CTR9: variants seen among roughly 807,000 people sequenced by gnomAD.
The protein encoded by CTR9 is CTR9 component of Paf1/RNA polymerase II complex.
In CTR9, 41 loss-of-function variants were observed where a neutral mutation model predicts 152.1. The observed-to-expected ratio is 0.27, with a 90% CI of 0.21 to 0.35. The LOEUF (loss-of-function observed/expected upper bound fraction) is 0.35. Among genes scored for constraint, CTR9 ranks in the 10% least tolerant of loss-of-function variants. The pLI is 1.00. For synonymous variants in CTR9, 476 were observed against 496.2 expected (o/e 0.96, Z 0.54); for missense variants, 917 against 1,424.4 (o/e 0.64, Z 5.73).
At position 10,767,880 on chromosome 11, in the gene CTR9, G is replaced by A. The variant is rs1217056355; in HGVS notation, c.1761G>A (p.Lys587=). 6.2e-7 allele frequency: 1 copy of A among 1,613,966 alleles called. No individual in the cohort carries two copies. Among genetic ancestry groups the A allele is most frequent in the Admixed American group, 1.7e-5 (1 of 59,986 alleles). Residue 587 remains lysine (K), a synonymous_variant, in exon 14 of 25, where the codon AAG becomes AAA. Coordinates refer to ENST00000361367, the MANE Select transcript of CTR9 (RefSeq NM_014633.5). This position sits in a 1 kb window ranked among gnomAD's most constrained non-coding sequence, Gnocchi z 4.0. ...AAGAATGGGGTCCTGGGCAGAAGAA[G>A]TTTGAGAGGATATTAAAACAGCCAT... is the stretch of plus-strand genomic sequence containing the variant. ...AKQEWGPGQK[K]FERILKQPST...
intron 10 of CTR9, 23 bp downstream of exon 10, chr11:10,764,224 T>C (rs1375992391): frequency 6.2e-7 from 1 of 1,613,438 alleles, no homozygotes; most frequent in African/African-American, 1.3e-5. Flanking sequence ...TGTTTTTTAA[T>C]CTCTCATATG....
At chr11:10,756,635 G>C (rs1862888536) in intron 4 of CTR9, 114 bp from the exon 5 acceptor site, 2 of 664,230 alleles carry the variant, frequency 3.0e-6, no homozygotes, top group African/African-American at 3.7e-5. Flanking sequence ...TTTGTTCTGT[G>C]TTTTCAAGTA....
intron 2 of CTR9, among the ~76,000 whole-genome samples, chr11:10,753,690 A>T (rs1862840094): frequency 6.8e-6 from 1 of 148,072 alleles, no homozygotes; most frequent in African/African-American, 2.5e-5. Context: ...TATAATATAT[A>T]TTATATATAT....
chr11:10,758,816 AT>A (rs890514384), intron 5 of CTR9, among the ~76,000 whole-genome samples: 25 of 152,344 alleles, frequency 1.6e-4, no homozygotes, highest in African/African-American at 6.0e-4. Context: ...TTTGTAACCA[AT>A]CAAATTGCTG....
In CTR9 at chr11:10,768,346, C is replaced by G. The variant is rs1333764235; in HGVS notation, c.1964C>G (p.Ala655Gly). 6.2e-7 allele frequency: 1 copy of G among 1,609,654 alleles called. No individual in the cohort carries two copies. Among genetic ancestry groups the G allele is most frequent in the African/African-American group, 1.3e-5 (1 of 74,620 alleles). Reference protein sequence around the residue: ...KNLYAANGIGAVLAHKGYFRE... With the variant: ...KNLYAANGIGGVLAHKGYFRE... ...GTGAACCTTTTTATATCTTTAGGAG[C>G]TGTTTTGGCCCACAAAGGATATTTT... Residue 655 changes from alanine to glycine, a missense_variant, in exon 16 of 25, where the codon GCT (alanine) becomes GGT (glycine). Physicochemically the swap from Ala to Gly is moderately conservative, Grantham distance 60. This residue lies in a region of CTR9 where 87 missense variants were observed against 235.7 expected (regional missense o/e 0.37). Transcript: ENST00000361367.
Position 10,766,420 on chromosome 11 carries a change from C to T in CTR9, c.1616C>T (p.Ala539Val). ...NYVDCYLRLG[A>V]MARDKGNFYE... ...TTTTCAGGCTATTTGCGCCTAGGAG[C>T]CATGGCTAGAGATAAGGGAAACTTT... Residue 539 changes from alanine (A) to valine (V), a missense_variant, in exon 13 of 25, where the codon GCC becomes GTC. Transcript: ENST00000361367. 1 of 1,609,888 alleles carries T rather than the reference C, an allele frequency of 6.2e-7. No individual in the cohort carries two copies. Among genetic ancestry groups the T allele is most frequent in the African/African-American group, 1.3e-5 (1 of 74,746 alleles).
At chr11:10,761,569 C>G (rs1458414644) in intron 6 of CTR9, among the ~76,000 whole-genome samples, 1 of 151,812 alleles carries the variant, frequency 6.6e-6, no homozygotes. Context: ...GTGTTCATGC[C>G]AGTGTACTCC....
chr11:10,754,778 T>C (rs965154824), intron 2 of CTR9, among the ~76,000 whole-genome samples, 180 bp from the exon 3 acceptor site: 1 of 152,252 alleles, frequency 6.6e-6, no homozygotes, highest in African/African-American at 2.4e-5. Context: ...TCCTTTTCAT[T>C]GTAGGATAGT....
At chr11:10,776,902 G>A (rs1430685107) in intron 24 of CTR9, among the ~76,000 whole-genome samples, 1 of 145,896 alleles carries the variant, frequency 6.9e-6, no homozygotes, top group East Asian at 2.0e-4. Context: ...GAAACGAGGA[G>A]GCAGAGGTTG....
chr11:10,755,381 T>C (rs1039651115), intron 3 of CTR9, among the ~76,000 whole-genome samples, 184 bp downstream of exon 3: 1 of 152,236 alleles, frequency 6.6e-6, no homozygotes, highest in African/African-American at 2.4e-5. Flanking sequence ...TTAAGTAATA[T>C]GGACAAATGT....
intron 7 of CTR9, among the ~76,000 whole-genome samples, chr11:10,763,025 C>T (rs915948666): frequency 1.3e-5 from 2 of 150,174 alleles, no homozygotes; most frequent in African/African-American, 2.5e-5. Flanking sequence ...AAAAAAAGTG[C>T]GCTTTATGTA....
At chr11:10,766,109 C>T (rs191248713) in intron 12 of CTR9, among the ~76,000 whole-genome samples, 31 of 152,196 alleles carry the variant, frequency 2.0e-4, no homozygotes, top group African/African-American at 6.3e-4. Context: ...AGAAACAGGC[C>T]GGTTCCAAGC....
intron 5 of CTR9, 112 bp downstream of exon 5, chr11:10,756,950 T>C (rs182214798): frequency 1.9e-5 from 16 of 834,794 alleles, no homozygotes; most frequent in African/African-American, 1.9e-4. Flanking sequence ...ATTATAGAAA[T>C]GTCAGAATCA....
Position 10,767,837 on chromosome 11 carries a change from A to G in CTR9, c.1718A>G (p.Asn573Ser), listed in dbSNP as rs567272474. The G allele has an allele frequency of 9.3e-6, 15 of 1,614,070 alleles. No individual in the cohort carries two copies. The highest frequency in any genetic ancestry group is 1.7e-4 in the Middle Eastern group (1 of 6,060). Residue 573 changes from asparagine (N) to serine (S), a missense_variant, in exon 14 of 25, where the codon AAT (asparagine) becomes AGT (serine). Transcript: ENST00000361367. This position sits in a 1 kb window ranked among gnomAD's most constrained non-coding sequence, Gnocchi z 4.0. ...DHPDAWSLIGNLHLAKQEWGP... is the reference protein window; with the variant it reads ...DHPDAWSLIGSLHLAKQEWGP... Reference sequence around the variant, plus strand: ...CCAGATGCTTGGTCTTTGATTGGCAATCTTCATTTGGCAAAACAAGAATGG... The same window carrying G: ...CCAGATGCTTGGTCTTTGATTGGCAGTCTTCATTTGGCAAAACAAGAATGG...
chr11:10,772,663 G>A lies in CTR9; in HGVS notation c.2580+8G>A, dbSNP rs1458425752. On this transcript the variant is annotated splice_region_variant and intron_variant, in intron 20 of 24. Transcript: ENST00000361367. ...AAACTTCTTAAAGAACAGGTATCTT[G>A]TATTTTCCAGTTATACTGGAATTAA... is the stretch of plus-strand genomic sequence containing the variant. The A allele has an allele frequency of 6.3e-7, 1 of 1,585,654 alleles. No homozygotes were observed. Among genetic ancestry groups the A allele is most frequent in the African/African-American group, 1.4e-5 (1 of 72,946 alleles).
intron 12 of CTR9, 146 bp downstream of exon 12, chr11:10,764,877 T>A: frequency 1.4e-6 from 1 of 702,268 alleles, no homozygotes; most frequent in Non-Finnish European, 2.3e-6. Context: ...ATTTGTGGCC[T>A]TAAAACAAAG....
At chr11:10,775,657 T>G (rs1368585405) in intron 24 of CTR9, 24 bp downstream of exon 24, 1 of 1,481,618 alleles carries the variant, frequency 6.7e-7, no homozygotes, top group South Asian at 1.2e-5. Flanking sequence ...TCTTTGTAAA[T>G]TCTTCTCATG....
chr11:10,759,497 A>C (rs1374254856), intron 5 of CTR9, among the ~76,000 whole-genome samples: 1 of 152,248 alleles, frequency 6.6e-6, no homozygotes, highest in Non-Finnish European at 1.5e-5. Flanking sequence ...AGACATAGCA[A>C]GCGTAGCTAG....
intron 24 of CTR9, among the ~76,000 whole-genome samples, chr11:10,776,841 C>T (rs139533636): frequency 9.4e-4 from 143 of 151,840 alleles, no homozygotes; most frequent in African/African-American, 3.3e-3. Flanking sequence ...GGCATGGTGG[C>T]GTGTGCCTGT....
Sources: gnomAD v4.1 joint callset for allele counts (sites outside exome capture counted in the v4.1 genomes callset) on GRCh38, gnomAD v4.1.1 for gene constraint, gnomAD v4.1.1 regional missense constraint, Gnocchi (gnomAD v3.1) non-coding constraint, MANE v1.5 for transcripts, NCBI Gene and HGNC (gene_info 2026-07-23, HGNC 2026-07-21) for gene names.